Variants in WWOX observed in about 807,000 individuals in gnomAD.
The protein encoded by WWOX is WW domain containing oxidoreductase, also known as WW domain-containing oxidoreductase.
In WWOX, 69 loss-of-function variants were observed where a neutral mutation model predicts 46.2. The observed-to-expected ratio is 1.49, with a 90% CI of 1.23 to 1.82. The LOEUF (loss-of-function observed/expected upper bound fraction) is 1.82, where lower values mean the gene tolerates loss of function less well. Among genes scored for constraint, WWOX ranks in the 40% most tolerant of loss-of-function variants. The pLI, the probability that WWOX is intolerant of heterozygous loss-of-function variation, is 0.00. For missense variants in WWOX, 919 were observed against 542.6 expected, an observed-to-expected ratio of 1.69 and a Z score of -6.89; for synonymous variants, 359 against 202.6, an observed-to-expected ratio of 1.77 and a Z score of -6.56.
chr16:78,905,381 CTTAT>C (rs1268547140), intron 8 of WWOX, among the ~76,000 whole-genome samples: 1 of 151,986 alleles, frequency 6.6e-6, no homozygotes, highest in African/African-American at 2.4e-5. Flanking sequence ...TGGAAGAATT[CTTAT>C]TTATTTATTT....
intron 8 of WWOX, among the ~76,000 whole-genome samples, chr16:79,122,651 C>G (rs1436360711): frequency 6.6e-6 from 1 of 151,832 alleles, no homozygotes; most frequent in Non-Finnish European, 1.5e-5. Flanking sequence ...TGTTTTCACG[C>G]TAATTCCTTA....
intron 8 of WWOX, among the ~76,000 whole-genome samples, chr16:78,859,029 T>A (rs1231863426): frequency 9.9e-3 from 194 of 19,616 alleles, no homozygotes; most frequent in African/African-American, 0.02. Flanking sequence ...AAAAAAAAAA[T>A]ATATATATAT....
At chr16:78,363,753 T>C (rs544721389) in intron 5 of WWOX, among the ~76,000 whole-genome samples, 161 of 152,292 alleles carry the variant, frequency 1.1e-3, no homozygotes, top group African/African-American at 3.7e-3. Context: ...CTGGAGTAGA[T>C]GTTAGCAACA....
intron 8 of WWOX, among the ~76,000 whole-genome samples, chr16:79,141,514 C>A (rs7193539): frequency 0.19 from 29,054 of 152,210 alleles, 5,080 homozygotes; most frequent in African/African-American, 0.47. Flanking sequence ...GGTGATAGCA[C>A]CCGTTTTCAA....
intron 8 of WWOX, among the ~76,000 whole-genome samples, chr16:78,636,513 T>C (rs1212625146): frequency 6.6e-6 from 1 of 152,180 alleles, no homozygotes; most frequent in Admixed American, 6.5e-5. Flanking sequence ...ATCTTTTTTT[T>C]CCTAATAGAA....
At chr16:78,113,385 A>G (rs2032603991) in intron 3 of WWOX, among the ~76,000 whole-genome samples, 1 of 152,248 alleles carries the variant, frequency 6.6e-6, no homozygotes, top group East Asian at 1.9e-4. Flanking sequence ...TGTTGCAATG[A>G]TTCAACTCTG....
intron 8 of WWOX, among the ~76,000 whole-genome samples, chr16:79,193,980 T>A (rs1234865837): frequency 6.6e-6 from 1 of 151,670 alleles, no homozygotes; most frequent in Non-Finnish European, 1.5e-5. Flanking sequence ...GATTTGCACA[T>A]GTTGCTGGAC....
At chr16:78,606,538 A>C (rs1004986190) in intron 8 of WWOX, among the ~76,000 whole-genome samples, 11 of 152,096 alleles carry the variant, frequency 7.2e-5, no homozygotes, top group Admixed American at 2.0e-4. Context: ...CCTCTGAACA[A>C]AAGCAAATCC....
At chr16:78,444,881 C>T (rs1030109255) in intron 8 of WWOX, among the ~76,000 whole-genome samples, 2 of 152,284 alleles carry the variant, frequency 1.3e-5, no homozygotes, top group African/African-American at 4.8e-5. Flanking sequence ...GGAGAACTCA[C>T]TCAAATGCTG....
intron 8 of WWOX, among the ~76,000 whole-genome samples, chr16:78,805,379 G>C (rs997924951): frequency 6.6e-6 from 1 of 151,890 alleles, no homozygotes; most frequent in Non-Finnish European, 1.5e-5. Flanking sequence ...TCCTGTCTCA[G>C]CCTCCGGAGT....
At position 78,786,867 on chromosome 16, in the gene WWOX, G is replaced by C. The variant is rs186228673; in HGVS notation, c.1056+354115G>C. The stretch of plus-strand genomic sequence containing the variant: ...ATAATGTAAAATTTACCACTTTGGG[G>C]CTGGGCGTGGTGACTCACGCCTGTA... On this transcript the variant is annotated intron_variant, in intron 8 of 8. Transcript: ENST00000566780. Among the ~76,000 whole-genome samples, 11 of 152,330 alleles carry C rather than the reference G, an allele frequency of 7.2e-5. No homozygotes were observed. In the East Asian group the frequency reaches 2.1e-3, roughly 29 times the overall value.
intron 8 of WWOX, among the ~76,000 whole-genome samples, chr16:79,133,682 T>C (rs2049926780): frequency 1.3e-5 from 2 of 151,962 alleles, no homozygotes; most frequent in African/African-American, 4.8e-5. Flanking sequence ...CACTGGGGAG[T>C]TGTATATTGT....
intron 8 of WWOX, among the ~76,000 whole-genome samples, chr16:78,950,050 C>T (rs1048005594): frequency 6.6e-6 from 1 of 152,196 alleles, no homozygotes; most frequent in Non-Finnish European, 1.5e-5. Context: ...TAGGTCTAGT[C>T]TGCCATTTGA....
At chr16:78,686,071 T>G (rs186311050) in intron 8 of WWOX, among the ~76,000 whole-genome samples, 23 of 152,060 alleles carry the variant, frequency 1.5e-4, no homozygotes, top group Admixed American at 1.4e-3. Context: ...TGCAAGTAGA[T>G]TTGGGATCTA....
chr16:78,149,919 A>T (rs1004925248), intron 4 of WWOX, among the ~76,000 whole-genome samples: 1 of 152,064 alleles, frequency 6.6e-6, no homozygotes, highest in South Asian at 2.1e-4. Flanking sequence ...CCCATGACAA[A>T]TGTGTGGAGT....
intron 8 of WWOX, among the ~76,000 whole-genome samples, chr16:78,602,550 T>C (rs942371278): frequency 8.5e-5 from 13 of 152,170 alleles, no homozygotes; most frequent in African/African-American, 3.1e-4. Context: ...ATAGATCTTA[T>C]TTGGCTGACA....
chr16:78,208,598 A>G (rs2036466532), intron 5 of WWOX, among the ~76,000 whole-genome samples: 1 of 152,214 alleles, frequency 6.6e-6, no homozygotes, highest in Non-Finnish European at 1.5e-5. Flanking sequence ...GTTCATTCCT[A>G]ATTAATTTAT....
chr16:78,321,316 GTATATA>G (rs1211688639), intron 5 of WWOX, among the ~76,000 whole-genome samples: 1 of 100,066 alleles, frequency 1.0e-5, no homozygotes, highest in African/African-American at 4.8e-5. Flanking sequence ...ATATATATGC[GTATATA>G]TATACGTATA....
chr16:78,391,240 G>C (rs1359689896), intron 6 of WWOX, among the ~76,000 whole-genome samples: 1 of 152,192 alleles, frequency 6.6e-6, no homozygotes, highest in Non-Finnish European at 1.5e-5. Context: ...TCCTAACCAT[G>C]ATTATGTAAA....
Sources: gnomAD v4.1 joint callset for allele counts (sites outside exome capture counted in the v4.1 genomes callset) on GRCh38, gnomAD v4.1.1 for gene constraint, MANE v1.5 for transcripts, NCBI Gene and HGNC (gene_info 2026-07-23, HGNC 2026-07-21) for gene names.